The following HYAL4 variants were observed in gnomAD, a reference collection of about 807,000 sequenced individuals.
HYAL4 encodes hyaluronidase-4.
A neutral mutation model predicts 35.2 loss-of-function variants in HYAL4; 37 were observed. The ratio of observed to expected loss-of-function variants is 1.05; its 90% confidence interval spans 0.81 to 1.38. The LOEUF (loss-of-function observed/expected upper bound fraction) is 1.38. Ranked by LOEUF, HYAL4 falls within the 40% of genes most tolerant of loss-of-function variation. The pLI, the probability that HYAL4 is intolerant of heterozygous loss-of-function variation, is 0.00. For synonymous variants in HYAL4, 198 were observed against 203.2 expected, an observed-to-expected ratio of 0.97 and a Z score of 0.22; for missense variants, 572 against 572.4, an observed-to-expected ratio of 1.00 and a Z score of 0.01.
At chr7:123,782,962 G>A in the HYAL4 span, among the ~76,000 whole-genome samples, 1 of 151,676 alleles carries the variant, frequency 6.6e-6, no homozygotes, top group Non-Finnish European at 1.5e-5. Flanking sequence ...TCTACCATAG[G>A]AGGAATAACA....
chr7:123,819,903 T>C, the HYAL4 span, among the ~76,000 whole-genome samples: 1 of 151,122 alleles, frequency 6.6e-6, no homozygotes, highest in African/African-American at 2.4e-5. Flanking sequence ...TTCTTTTTTT[T>C]TTTTTTGTGA....
intron 4 of HYAL4, chr7:123,876,194 C>A: frequency 2.9e-6 from 1 of 345,644 alleles, no homozygotes; most frequent in Non-Finnish European, 5.7e-6. Flanking sequence ...AAGTACAGGA[C>A]CCAGGACAGT....
chr7:123,795,434 A>C, the HYAL4 span, among the ~76,000 whole-genome samples: 4 of 152,174 alleles, frequency 2.6e-5, no homozygotes. Context: ...CCTCATCCAA[A>C]TCTCATGTTG....
chr7:123,830,761 A>G (rs1226061620), intron 1 of HYAL4, among the ~76,000 whole-genome samples: 2 of 152,154 alleles, frequency 1.3e-5, no homozygotes, highest in African/African-American at 4.8e-5. Context: ...TTTTGACTTT[A>G]TCTTCTAATT....
At chr7:123,837,846 A>G (rs1024887938) in intron 1 of HYAL4, among the ~76,000 whole-genome samples, 1 of 151,668 alleles carries the variant, frequency 6.6e-6, no homozygotes, top group Non-Finnish European at 1.5e-5. Flanking sequence ...AAGGACATGA[A>G]CTCATCATTT....
At chr7:123,798,452 CT>C in the HYAL4 span, among the ~76,000 whole-genome samples, 124 of 152,246 alleles carry the variant, frequency 8.1e-4, no homozygotes, top group African/African-American at 3.0e-3. Flanking sequence ...TAAATAAAGA[CT>C]TATAAAGATC....
intron 1 of HYAL4, among the ~76,000 whole-genome samples, chr7:123,846,613 T>A (rs929816906): frequency 2.0e-5 from 3 of 152,058 alleles, no homozygotes; most frequent in Non-Finnish European, 4.4e-5. Flanking sequence ...CCTCCCTGCC[T>A]GTGGAGTCTG....
At chr7:123,848,195 T>A (rs898528225) in intron 2 of HYAL4, 37 bp downstream of exon 2, 1 of 152,664 alleles carries the variant, frequency 6.6e-6, no homozygotes, top group East Asian at 1.9e-4. Flanking sequence ...GTAAAAATTT[T>A]AAAAATTGTT....
upstream of HYAL4, among the ~76,000 whole-genome samples, chr7:123,843,728 G>T (rs1372687974): frequency 6.6e-6 from 1 of 151,714 alleles, no homozygotes; most frequent in Middle Eastern, 3.4e-3. Context: ...TTGTCTCCTT[G>T]CTTTATTTCA....
intron 1 of HYAL4, among the ~76,000 whole-genome samples, chr7:123,839,620 A>G (rs190993632): frequency 2.0e-5 from 3 of 152,250 alleles, no homozygotes; most frequent in African/African-American, 7.2e-5. Flanking sequence ...AAGCATTCCT[A>G]TTTGTCCACA....
At chr7:123,778,858 T>C in the HYAL4 span, among the ~76,000 whole-genome samples, 1 of 152,190 alleles carries the variant, frequency 6.6e-6, no homozygotes, top group African/African-American at 2.4e-5. Context: ...TGATGAATCT[T>C]ACATGAATTA....
At chr7:123,820,830 C>A in the HYAL4 span, among the ~76,000 whole-genome samples, 1 of 152,166 alleles carries the variant, frequency 6.6e-6, no homozygotes. Flanking sequence ...CAGCCCCTTA[C>A]AACTATTACT....
the HYAL4 span, among the ~76,000 whole-genome samples, chr7:123,778,159 G>GTCTGTCTATCTATCTATCTA: frequency 3.6e-4 from 43 of 120,824 alleles, no homozygotes; most frequent in African/African-American, 7.2e-4. Flanking sequence ...CTGTCTGTCT[G>GTCTGTCTATCTATCTATCTA]TCTATCTATC....
chr7:123,859,287 C>T (rs1806529566), intron 2 of HYAL4, among the ~76,000 whole-genome samples: 1 of 152,072 alleles, frequency 6.6e-6, no homozygotes, highest in East Asian at 1.9e-4. Flanking sequence ...AGAGTTTTGC[C>T]TTGTTTACAA....
At chr7:123,775,022 A>G in the HYAL4 span, among the ~76,000 whole-genome samples, 3 of 152,106 alleles carry the variant, frequency 2.0e-5, no homozygotes, top group Admixed American at 2.0e-4. Flanking sequence ...TATCGTTTCC[A>G]CTCTGGATAC....
chr7:123,825,124 C>CTA (rs1805782891), upstream of HYAL4, among the ~76,000 whole-genome samples: 2 of 151,906 alleles, frequency 1.3e-5, no homozygotes, highest in African/African-American at 4.8e-5. Flanking sequence ...CTCTCTCTCT[C>CTA]TCTATATATA....
the HYAL4 span, among the ~76,000 whole-genome samples, chr7:123,788,420 CCAT>C: frequency 6.6e-6 from 1 of 152,156 alleles, no homozygotes; most frequent in Non-Finnish European, 1.5e-5. Flanking sequence ...TGTTCTTCAA[CCAT>C]AACATCTTGA....
chr7:123,832,025 C>T (rs143694284), intron 1 of HYAL4, among the ~76,000 whole-genome samples: 228 of 151,928 alleles, frequency 1.5e-3, no homozygotes, highest in Non-Finnish European at 2.3e-3. Context: ...ATATTTGGTT[C>T]AACATATAAA....
the HYAL4 span, among the ~76,000 whole-genome samples, chr7:123,802,338 T>C: frequency 7.2e-5 from 11 of 152,338 alleles, no homozygotes; most frequent in East Asian, 1.7e-3. Context: ...GATAGAATGC[T>C]CTTTTTAAAG....
Sources: gnomAD v4.1 joint callset for allele counts (sites outside exome capture counted in the v4.1 genomes callset) on GRCh38, gnomAD v4.1.1 for gene constraint, MANE v1.5 for transcripts, NCBI Gene and HGNC (gene_info 2026-07-23, HGNC 2026-07-21) for gene names.